Variants in ZNF366 observed in about 807,000 individuals in gnomAD.
ZNF366 encodes zinc finger protein 366.
ZNF366 carries 20 observed loss-of-function variants against 47.2 expected under a neutral mutation model. That is an observed-to-expected ratio of 0.42 (90% confidence interval 0.30 to 0.62). The LOEUF is 0.62. Ranked by LOEUF, ZNF366 falls within the 20% of genes least tolerant of loss-of-function variation. The probability of loss-of-function intolerance (pLI) is 0.16; values close to 1 mark genes in which losing one functional copy is unlikely to be tolerated. For synonymous variants in ZNF366, 421 were observed against 395.1 expected (o/e 1.07, Z -0.78); for missense variants, 987 against 976.3 (o/e 1.01, Z -0.15).
At chr5:72,494,982 G>A (rs10056589) in intron 1 of ZNF366, among the ~76,000 whole-genome samples, 27,326 of 151,874 alleles carry the variant, frequency 0.18, 2,708 homozygotes, top group East Asian at 0.38. Context: ...GTAGTTTTAC[G>A]GCTTGCCTTC....
intron 1 of ZNF366, among the ~76,000 whole-genome samples, chr5:72,496,513 C>G (rs1031840297): frequency 6.6e-6 from 1 of 151,952 alleles, no homozygotes; most frequent in Admixed American, 6.6e-5. Flanking sequence ...ATAGATAAAC[C>G]AGCTTTTGCT....
At chr5:72,468,222 A>C (rs1460167082) in intron 1 of ZNF366, among the ~76,000 whole-genome samples, 1 of 152,208 alleles carries the variant, frequency 6.6e-6, no homozygotes, top group East Asian at 1.9e-4. Flanking sequence ...TGGTCAAAAA[A>C]GTGAATGTTC....
intron 1 of ZNF366, among the ~76,000 whole-genome samples, chr5:72,499,479 C>CAT (rs1200301780): frequency 1.8e-5 from 2 of 112,184 alleles, no homozygotes; most frequent in East Asian, 5.2e-4. Flanking sequence ...GGAATCCTGC[C>CAT]TTTTTTTTTT....
Position 72,444,130 on chromosome 5 carries a change from C to G in ZNF366, c.1861G>C (p.Glu621Gln), listed in dbSNP as rs760399989. 2.5e-6 allele frequency: 4 copies of G among 1,613,862 alleles called. No individual in the cohort carries two copies. The highest frequency in any genetic ancestry group is 2.2e-5 in the East Asian group (1 of 44,894). The change falls in exon 5 of 5, where the codon GAG (glutamate) becomes CAG (glutamine). Residue 621 changes from glutamate (E) to glutamine (Q), a missense_variant. By Grantham distance (29) the Glu-to-Gln change is conservative. Coordinates refer to ENST00000318442, the MANE Select transcript of ZNF366 (RefSeq NM_152625.3). ...TCCACCTCGTAGCAGTTATCCTCCT[C>G]TTCCTCCTCGTGGCAGTGGCTGCCC... is the stretch of plus-strand genomic sequence containing the variant. ...AQGSHCHEEE[E>Q]EDNCYEVEPY... is the part of the protein sequence containing the mutation.
intron 3 of ZNF366, 126 bp from the exon 4 acceptor site, chr5:72,447,543 A>G: frequency 2.6e-6 from 3 of 1,165,000 alleles, no homozygotes; most frequent in Non-Finnish European, 3.7e-6. Flanking sequence ...TGCAAGGAAA[A>G]TGTCCATAAG....
intron 1 of ZNF366, among the ~76,000 whole-genome samples, chr5:72,477,217 G>A (rs1303939508): frequency 6.6e-6 from 1 of 152,142 alleles, no homozygotes. Context: ...CATATTTTTA[G>A]AAATAAGCAG....
At chr5:72,483,578 A>C (rs914564204) in intron 1 of ZNF366, among the ~76,000 whole-genome samples, 1 of 152,140 alleles carries the variant, frequency 6.6e-6, no homozygotes, top group Non-Finnish European at 1.5e-5. Flanking sequence ...TTTTCAGTGT[A>C]TTTTGTACAA....
At chr5:72,486,822 C>T (rs1008486294) in intron 1 of ZNF366, among the ~76,000 whole-genome samples, 9 of 151,892 alleles carry the variant, frequency 5.9e-5, no homozygotes, top group Non-Finnish European at 1.3e-4. Flanking sequence ...GTCACCTAGG[C>T]TGGAGTGCAA....
chr5:72,462,495 T>C (rs1734294448), intron 1 of ZNF366, among the ~76,000 whole-genome samples: 2 of 124,948 alleles, frequency 1.6e-5, no homozygotes, highest in Admixed American at 7.9e-5. Flanking sequence ...GTTTTTCACG[T>C]CTCCTTGCCA....
intron 1 of ZNF366, among the ~76,000 whole-genome samples, chr5:72,471,611 G>A (rs1420280354): frequency 1.3e-5 from 2 of 152,168 alleles, no homozygotes; most frequent in African/African-American, 4.8e-5. Context: ...TGCCTCTGCA[G>A]CTGTTCAGTG....
chr5:72,448,685 C>T (rs534398097), intron 3 of ZNF366, among the ~76,000 whole-genome samples: 3 of 152,108 alleles, frequency 2.0e-5, no homozygotes, highest in African/African-American at 7.2e-5. Context: ...GTTTTCCTTT[C>T]TCACTGAGAT....
At chr5:72,454,121 T>G (rs2112322043) in intron 3 of ZNF366, among the ~76,000 whole-genome samples, 1 of 152,336 alleles carries the variant, frequency 6.6e-6, no homozygotes, top group South Asian at 2.1e-4. Context: ...GTTGTGATGG[T>G]GTGGACCAGA....
At chr5:72,478,587 G>A (rs1743722521) in intron 1 of ZNF366, among the ~76,000 whole-genome samples, 2 of 152,300 alleles carry the variant, frequency 1.3e-5, no homozygotes, top group African/African-American at 4.8e-5. Context: ...CAGTCACTGA[G>A]TTTGGAAAGT....
At chr5:72,447,759 G>A (rs1742989501) in intron 3 of ZNF366, among the ~76,000 whole-genome samples, 1 of 152,216 alleles carries the variant, frequency 6.6e-6, no homozygotes, top group African/African-American at 2.4e-5. Flanking sequence ...ATGTGATTAT[G>A]TGTTTAATAT....
chr5:72,480,384 C>T (rs1283951193), intron 1 of ZNF366, among the ~76,000 whole-genome samples: 1 of 152,148 alleles, frequency 6.6e-6, no homozygotes, highest in Non-Finnish European at 1.5e-5. Context: ...AACTTATTTT[C>T]TGTTCCTTGG....
chr5:72,471,770 T>C (rs1743570274), intron 1 of ZNF366, among the ~76,000 whole-genome samples: 1 of 152,244 alleles, frequency 6.6e-6, no homozygotes, highest in African/African-American at 2.4e-5. Flanking sequence ...AAATTAGACT[T>C]GGGATTCCCT....
chr5:72,492,868 C>T (rs1159914287), intron 1 of ZNF366, among the ~76,000 whole-genome samples: 1 of 152,140 alleles, frequency 6.6e-6, no homozygotes, highest in Non-Finnish European at 1.5e-5. Flanking sequence ...GGAATAAAGC[C>T]TTTACTTCAC....
chr5:72,479,949 G>A (rs2112343031), intron 1 of ZNF366, among the ~76,000 whole-genome samples: 1 of 152,264 alleles, frequency 6.6e-6, no homozygotes, highest in African/African-American at 2.4e-5. Context: ...TGAACAAAGG[G>A]TGAAAAAACA....
chr5:72,484,495 A>AAAAAAATAATAAT (rs1313925109), intron 1 of ZNF366, among the ~76,000 whole-genome samples: 1 of 145,824 alleles, frequency 6.9e-6, no homozygotes, highest in African/African-American at 2.6e-5. Context: ...AAAAAAAAAA[A>AAAAAAATAATAAT]AATAATAATA....
Sources: gnomAD v4.1 joint callset for allele counts (sites outside exome capture counted in the v4.1 genomes callset) on GRCh38, gnomAD v4.1.1 for gene constraint, MANE v1.5 for transcripts, NCBI Gene and HGNC (gene_info 2026-07-23, HGNC 2026-07-21) for gene names.